The following ARHGEF4 variants were observed in gnomAD, a reference collection of about 807,000 sequenced individuals.
The protein encoded by ARHGEF4 is APC-stimulated guanine nucleotide exchange factor 1.
A neutral mutation model predicts 162.0 loss-of-function variants in ARHGEF4; 119 were observed. That is an observed-to-expected ratio of 0.73 (90% CI 0.63 to 0.86). The LOEUF (loss-of-function observed/expected upper bound fraction) is 0.86, where lower values mean the gene tolerates loss of function less well. Ranked by LOEUF, ARHGEF4 falls within the 40% of genes least tolerant of loss-of-function variation. The pLI is 0.00. For synonymous variants in ARHGEF4, 1,014 were observed against 979.9 expected (o/e 1.03, Z -0.65); for missense variants, 2,488 against 2,456.0 (o/e 1.01, Z -0.28).
At chr2:130,995,883 T>G (rs1259393930) in intron 4 of ARHGEF4, among the ~76,000 whole-genome samples, 2 of 150,372 alleles carry the variant, frequency 1.3e-5, no homozygotes, top group African/African-American at 4.9e-5. Flanking sequence ...AAAAGTATTA[T>G]TCACCTTTTT....
chr2:130,895,192 C>T (rs1405502840), intron 1 of ARHGEF4, among the ~76,000 whole-genome samples: 1 of 152,144 alleles, frequency 6.6e-6, no homozygotes, highest in Admixed American at 6.5e-5. Context: ...CAGTGTGTGG[C>T]CTTTGGTGTG....
At chr2:130,954,414 G>C (rs1574292359) in intron 4 of ARHGEF4, among the ~76,000 whole-genome samples, 1 of 152,306 alleles carries the variant, frequency 6.6e-6, no homozygotes, top group East Asian at 1.9e-4. Context: ...GGGGTGGCAG[G>C]GGGAGGGATA....
chr2:130,884,804 C>T (rs182345632), intron 1 of ARHGEF4, among the ~76,000 whole-genome samples: 5 of 152,080 alleles, frequency 3.3e-5, no homozygotes, highest in Admixed American at 3.3e-4. Context: ...GCCCTTGAGG[C>T]CGGACCCTGC....
chr2:130,853,048 C>T (rs1339771340), intron 1 of ARHGEF4, among the ~76,000 whole-genome samples: 3 of 152,190 alleles, frequency 2.0e-5, no homozygotes, highest in Non-Finnish European at 4.4e-5. Flanking sequence ...AGGGCATGTC[C>T]AGCACCAAGG....
intron 5 of ARHGEF4, among the ~76,000 whole-genome samples, chr2:131,032,340 C>A (rs1462519112): frequency 6.6e-6 from 1 of 151,988 alleles, no homozygotes. Context: ...TCTTGGTCAC[C>A]CCTCATGGAG....
chr2:130,909,253 A>C (rs1681026576), intron 1 of ARHGEF4, among the ~76,000 whole-genome samples: 1 of 152,246 alleles, frequency 6.6e-6, no homozygotes, highest in South Asian at 2.1e-4. Context: ...GAAGCCGGAA[A>C]CTGGGAACAA....
chr2:130,880,280 C>T (rs189785904), intron 1 of ARHGEF4, among the ~76,000 whole-genome samples: 13 of 152,306 alleles, frequency 8.5e-5, no homozygotes, highest in African/African-American at 3.1e-4. Context: ...ACCGATGTTA[C>T]CCAGCTGACT....
intron 4 of ARHGEF4, among the ~76,000 whole-genome samples, chr2:130,988,883 TATATATATATATATATATAGAG>T (rs1222921446): frequency 7.4e-5 from 4 of 54,016 alleles, no homozygotes; most frequent in African/African-American, 2.1e-4. Context: ...TATATATATA[TATATATATATATATATATAGAG>T]AGAGAGAGAG....
intron 4 of ARHGEF4, among the ~76,000 whole-genome samples, chr2:130,962,496 A>G (rs1209626199): frequency 1.3e-5 from 2 of 152,130 alleles, no homozygotes; most frequent in African/African-American, 4.8e-5. Context: ...AAATAATCAT[A>G]TACTCATGAT....
intron 3 of ARHGEF4, among the ~76,000 whole-genome samples, chr2:130,933,085 C>T (rs978463565): frequency 3.7e-4 from 57 of 152,078 alleles, no homozygotes; most frequent in African/African-American, 1.2e-3. Context: ...TGTGGTAGCA[C>T]GCACCTGTAC....
Position 130,988,969 on chromosome 2 carries a change from CTTTTTTT to C in ARHGEF4, c.3986-38973_3986-38967del, listed in dbSNP as rs1180045280. 2.3e-5 allele frequency among the ~76,000 whole-genome samples: 3 copies of C among 131,964 alleles called. No individual in the cohort carries two copies. The South Asian group carries it at 7.5e-4, about 33-fold the overall frequency. The allele number at this position is 131,964 out of a possible 152,430, so 86.6% of individuals were successfully genotyped here. On this transcript the variant is annotated intron_variant, in intron 4 of 13. Transcript: ENST00000409359. ...CAAAAATATAATTATTTTCTTTTTT[CTTTTTTT>C]TTGAGATGGAGTTTCGCTCTTGTTG... is the stretch of plus-strand genomic sequence containing the variant.
chr2:130,932,348 A>G (rs942621776), intron 3 of ARHGEF4, among the ~76,000 whole-genome samples: 1 of 152,176 alleles, frequency 6.6e-6, no homozygotes, highest in Non-Finnish European at 1.5e-5. Flanking sequence ...AGCTGGGATT[A>G]CAGGTGCCTG....
chr2:130,837,534 C>T, intron 1 of ARHGEF4: 1 of 421,998 alleles, frequency 2.4e-6, no homozygotes, highest in Admixed American at 2.6e-5. Flanking sequence ...GGCTCCTGCT[C>T]GGGGTGCCCC....
chr2:130,980,695 T>G (rs2105250708), intron 4 of ARHGEF4, among the ~76,000 whole-genome samples: 1 of 152,350 alleles, frequency 6.6e-6, no homozygotes, highest in South Asian at 2.1e-4. Flanking sequence ...GTGCAGCATG[T>G]GCACATAATT....
At chr2:130,931,365 T>G in intron 3 of ARHGEF4, 108 bp downstream of exon 3, 2 of 1,249,114 alleles carry the variant, frequency 1.6e-6, no homozygotes, top group South Asian at 3.1e-5. Flanking sequence ...AGATGTAACT[T>G]GTCACCCTGG....
At chr2:130,932,580 G>A (rs1289459433) in intron 3 of ARHGEF4, among the ~76,000 whole-genome samples, 1 of 152,174 alleles carries the variant, frequency 6.6e-6, no homozygotes, top group Non-Finnish European at 1.5e-5. Context: ...TCTCCCATCT[G>A]TAGAGTGCCT....
chr2:130,973,493 T>C lies in ARHGEF4; in HGVS notation c.3985+26858T>C, dbSNP rs367920326. On this transcript the variant is annotated intron_variant, in intron 4 of 13. Transcript: ENST00000409359. ...GGCAGAGCAAGACTGTGTCTCCAAA[T>C]AGTAAATAAATAAATAAAATAAATG... Among the ~76,000 whole-genome samples, 357 of 152,168 alleles carry C rather than the reference T, an allele frequency of 2.3e-3. 2 individuals carry two copies. The highest frequency in any genetic ancestry group is 8.0e-3 in the African/African-American group (331 of 41,506).
In ARHGEF4 at chr2:130,836,943, C is replaced by A; in HGVS notation, c.-11C>A. 1 of 1,225,396 alleles carries A rather than the reference C, an allele frequency of 8.2e-7. No individual in the cohort carries two copies. Among genetic ancestry groups the A allele is most frequent in the African/African-American group, 1.6e-5 (1 of 64,110 alleles). The allele number at this position is 1,225,396 out of a possible 1,614,324, so 75.9% of individuals were successfully genotyped here. A position where few individuals can be genotyped will look rare whatever the true frequency, so the allele number is the denominator to read the frequency against. On this transcript the variant is annotated 5_prime_UTR_variant, in exon 1 of 14. Coordinates refer to ENST00000409359, the MANE Select transcript of ARHGEF4 (RefSeq NM_001367493.1). ...TGCTGCGGCCGGGCTCCGGGCGTCC[C>A]GGCGGCCACCATGCTCAGCGTCGTG...
intron 1 of ARHGEF4, among the ~76,000 whole-genome samples, chr2:130,864,010 C>A (rs1377724070): frequency 7.1e-6 from 1 of 140,118 alleles, no homozygotes; most frequent in Non-Finnish European, 1.5e-5. Flanking sequence ...CGGTGAAACC[C>A]CGTCTCTACT....
Sources: gnomAD v4.1 joint callset for allele counts (sites outside exome capture counted in the v4.1 genomes callset) on GRCh38, gnomAD v4.1.1 for gene constraint, MANE v1.5 for transcripts, NCBI Gene and HGNC (gene_info 2026-07-23, HGNC 2026-07-21) for gene names.